Variants in DAB1 observed in about 807,000 individuals in gnomAD.
DAB1 encodes the protein DAB adaptor protein 1, also known as disabled homolog 1.
A neutral mutation model predicts 64.6 loss-of-function variants in DAB1; 15 were observed. The ratio of observed to expected loss-of-function variants is 0.23; its 90% CI spans 0.16 to 0.36. The LOEUF is 0.36. Among genes scored for constraint, DAB1 ranks in the 10% least tolerant of loss-of-function variants. The pLI is 1.00. For synonymous variants in DAB1, 235 were observed against 251.9 expected, an observed-to-expected ratio of 0.93 and a Z score of 0.64; for missense variants, 596 against 706.7, an observed-to-expected ratio of 0.84 and a Z score of 1.78.
intron 3 of DAB1, among the ~76,000 whole-genome samples, chr1:57,144,317 T>A (rs1208025661): frequency 2.0e-5 from 3 of 152,248 alleles, no homozygotes; most frequent in Non-Finnish European, 4.4e-5. Context: ...AAACAATATA[T>A]GGACATCAGA....
chr1:58,121,505 C>T (rs367625984), intron 5 of DAB1, among the ~76,000 whole-genome samples: 6 of 152,130 alleles, frequency 3.9e-5, no homozygotes, highest in African/African-American at 1.4e-4. Flanking sequence ...CCTGTAGGTT[C>T]AAGTCAAAGA....
At chr1:57,936,629 T>C (rs1159847593) in intron 5 of DAB1, among the ~76,000 whole-genome samples, 4 of 152,116 alleles carry the variant, frequency 2.6e-5, no homozygotes, top group Non-Finnish European at 1.5e-5. Context: ...TCTCGAACTC[T>C]TGATCTCAGG....
chr1:57,646,265 C>T (rs1646190185), intron 7 of DAB1, among the ~76,000 whole-genome samples: 1 of 152,076 alleles, frequency 6.6e-6, no homozygotes. Context: ...AAAAAACCCA[C>T]AAAAGAACAC....
chr1:58,529,033 C>T (rs1272343993), intron 1 of DAB1, among the ~76,000 whole-genome samples: 1 of 152,058 alleles, frequency 6.6e-6, no homozygotes, highest in Non-Finnish European at 1.5e-5. Context: ...AGGAAAATAA[C>T]CACATTAATT....
chr1:57,457,696 G>C (rs1388408043), intron 7 of DAB1, among the ~76,000 whole-genome samples: 2 of 152,070 alleles, frequency 1.3e-5, no homozygotes, highest in African/African-American at 2.4e-5. Context: ...AACTGACACT[G>C]GGAACAATGG....
chr1:57,738,174 T>G (rs181865884), intron 6 of DAB1, among the ~76,000 whole-genome samples: 1 of 152,236 alleles, frequency 6.6e-6, no homozygotes, highest in Non-Finnish European at 1.5e-5. Flanking sequence ...AAATGACAGT[T>G]CCTTTCTTAA....
chr1:58,351,158 T>C (rs113637613), intron 3 of DAB1, among the ~76,000 whole-genome samples: 2,307 of 152,294 alleles, frequency 0.015, 65 homozygotes, highest in African/African-American at 0.053. Flanking sequence ...TAGTTCTCCT[T>C]GAAGAGGTCC....
In DAB1 at chr1:57,912,250, A is replaced by G. The variant is rs1644656181; in HGVS notation, n.388-28088T>C. Among the ~76,000 whole-genome samples, 9 of 152,062 alleles carry G rather than the reference A, an allele frequency of 5.9e-5. 1 individual carries two copies. The highest frequency in any genetic ancestry group is 5.9e-4 in the Admixed American group (9 of 15,266). ...GAAACTTTCCTTCACAGCATTCACA[A>G]CCATTTGCAGCAATCTAATTTCGTG... is the stretch of plus-strand genomic sequence containing the variant. On this transcript the variant is annotated intron_variant and non_coding_transcript_variant, in intron 5 of 20. Transcript: ENST00000485760.
At chr1:58,093,723 ACAAAGT>A (rs1273909484) in intron 5 of DAB1, among the ~76,000 whole-genome samples, 3 of 151,560 alleles carry the variant, frequency 2.0e-5, no homozygotes, top group African/African-American at 7.3e-5. Flanking sequence ...AAAACTGGAG[ACAAAGT>A]CCAAAGTCTA....
At chr1:58,281,254 T>C (rs1569597965) in intron 4 of DAB1, among the ~76,000 whole-genome samples, 1 of 152,308 alleles carries the variant, frequency 6.6e-6, no homozygotes, top group South Asian at 2.1e-4. Context: ...ATTACCTTGA[T>C]TTTCCTGTGG....
chr1:57,410,495 A>G (rs548044), intron 1 of DAB1, among the ~76,000 whole-genome samples: 2,740 of 152,278 alleles, frequency 0.018, 80 homozygotes, highest in African/African-American at 0.062. Context: ...AAAGAGACAC[A>G]TACCTTGGAA....
chr1:57,640,371 T>C (rs924034501), intron 7 of DAB1, among the ~76,000 whole-genome samples: 2 of 152,246 alleles, frequency 1.3e-5, no homozygotes, highest in African/African-American at 4.8e-5. Flanking sequence ...CTATAACCAT[T>C]TATACTTTAC....
In DAB1 at chr1:57,227,235, C is replaced by T. The variant is rs150730680; in HGVS notation, c.67+63729G>A. Among the ~76,000 whole-genome samples the T allele has an allele frequency of 3.9e-5, 6 of 152,218 alleles. No homozygotes were observed. The East Asian group carries it at 1.2e-3, about 29-fold the overall frequency. On this transcript the variant is annotated intron_variant, in intron 2 of 14. Transcript: ENST00000371236. ...AGTGGAATTGAAATATATTACTTCA[C>T]CCTGACAAGATTTTAAAAGTATAGA...
chr1:57,981,779 A>G (rs1420262387), intron 5 of DAB1, among the ~76,000 whole-genome samples: 1 of 152,238 alleles, frequency 6.6e-6, no homozygotes, highest in African/African-American at 2.4e-5. Flanking sequence ...TGGATTGAAC[A>G]GGCAGCATTG....
chr1:57,921,214 G>A (rs1432722041), intron 5 of DAB1, among the ~76,000 whole-genome samples: 1 of 152,100 alleles, frequency 6.6e-6, no homozygotes, highest in Non-Finnish European at 1.5e-5. Flanking sequence ...CATACACTCT[G>A]GAGCACTGTA....
intron 2 of DAB1, among the ~76,000 whole-genome samples, chr1:57,285,454 G>A (rs776809592): frequency 8.6e-5 from 13 of 151,976 alleles, no homozygotes; most frequent in Non-Finnish European, 1.8e-4. Flanking sequence ...TGTATTTTTA[G>A]TAGAGACAGG....
chr1:57,127,340 G>T (rs112129582), intron 4 of DAB1, among the ~76,000 whole-genome samples: 2 of 152,122 alleles, frequency 1.3e-5, no homozygotes, highest in African/African-American at 4.8e-5. Context: ...TTACTCAGTT[G>T]ACCCTCAAAG....
chr1:57,474,679 C>T (rs1283604639), intron 7 of DAB1, among the ~76,000 whole-genome samples: 9 of 151,998 alleles, frequency 5.9e-5, no homozygotes, highest in Admixed American at 5.9e-4. Context: ...CACAGTTGGG[C>T]TAAAGAGGAG....
intron 5 of DAB1, among the ~76,000 whole-genome samples, chr1:58,060,582 T>G (rs1341586072): frequency 1.3e-5 from 2 of 152,156 alleles, no homozygotes; most frequent in Non-Finnish European, 2.9e-5. Flanking sequence ...AGATCTTTTT[T>G]TTACCTGACA....
Sources: allele counts gnomAD v4.1 joint callset (sites outside exome capture counted in the v4.1 genomes callset), GRCh38; gene constraint gnomAD v4.1.1; transcripts MANE v1.5; gene names NCBI Gene and HGNC (gene_info 2026-07-23, HGNC 2026-07-21).